The following RELN variants were observed in gnomAD, a reference collection of about 807,000 sequenced individuals.
RELN encodes the protein reelin.
RELN carries 108 observed loss-of-function variants against 427.6 expected under a neutral mutation model. The observed-to-expected ratio is 0.25, with a 90% CI of 0.22 to 0.30. The LOEUF (loss-of-function observed/expected upper bound fraction) is 0.30, where lower values mean the gene tolerates loss of function less well. Ranked by LOEUF, RELN falls within the 10% of genes least tolerant of loss-of-function variation. The pLI is 1.00. For missense variants in RELN, 3,715 were observed against 4,302.8 expected (o/e 0.86, Z 3.82); for synonymous variants, 1,524 against 1,513.4 (o/e 1.01, Z -0.16).
chr7:103,896,955 TG>T (rs1466266309), intron 2 of RELN, among the ~76,000 whole-genome samples: 6 of 152,064 alleles, frequency 3.9e-5, no homozygotes, highest in Admixed American at 3.9e-4. Flanking sequence ...TCCACGTGGC[TG>T]GGGAGGCCTC....
At chr7:103,915,747 T>C (rs1584363440) in intron 2 of RELN, among the ~76,000 whole-genome samples, 1 of 152,222 alleles carries the variant, frequency 6.6e-6, no homozygotes, top group South Asian at 2.1e-4. Flanking sequence ...AAAAAAATTT[T>C]GTTTACCTAA....
intron 12 of RELN, among the ~76,000 whole-genome samples, chr7:103,655,103 C>T (rs922340044): frequency 3.9e-5 from 6 of 152,000 alleles, no homozygotes; most frequent in South Asian, 2.1e-4. Flanking sequence ...TGAGCCACCA[C>T]GCCTAGTCCC....
At chr7:103,655,039 T>C (rs1395351104) in intron 12 of RELN, among the ~76,000 whole-genome samples, 1 of 152,068 alleles carries the variant, frequency 6.6e-6, no homozygotes, top group Admixed American at 6.6e-5. Context: ...CTTGAACTCC[T>C]GGGCTCAAGC....
At chr7:103,581,204 G>C (rs886158308) in intron 28 of RELN, among the ~76,000 whole-genome samples, 25 of 152,142 alleles carry the variant, frequency 1.6e-4, no homozygotes, top group Admixed American at 1.6e-3. Context: ...TCTTGTCCTG[G>C]ACATCGTTCT....
intron 2 of RELN, among the ~76,000 whole-genome samples, chr7:103,855,409 G>A (rs1793921224): frequency 6.6e-6 from 1 of 152,214 alleles, no homozygotes; most frequent in Non-Finnish European, 1.5e-5. Flanking sequence ...GTGTATGTGT[G>A]TAAGAAAGTA....
At chr7:103,492,288 G>C (rs1828700305) in intron 57 of RELN, among the ~76,000 whole-genome samples, 1 of 152,202 alleles carries the variant, frequency 6.6e-6, no homozygotes, top group Admixed American at 6.5e-5. Context: ...TCACAAATCT[G>C]GGTAAGATAA....
intron 46 of RELN, among the ~76,000 whole-genome samples, chr7:103,533,107 C>A (rs1266401066): frequency 1.3e-5 from 2 of 152,204 alleles, no homozygotes; most frequent in African/African-American, 4.8e-5. Context: ...GACCAGCCAA[C>A]CTCAGCTGAC....
At chr7:103,748,682 G>T (rs566084791) in intron 6 of RELN, among the ~76,000 whole-genome samples, 7 of 152,152 alleles carry the variant, frequency 4.6e-5, no homozygotes, top group African/African-American at 1.7e-4. Context: ...AGGATGAAAT[G>T]ATTATTTTCT....
rs190895498 is a variant in RELN at position 103,973,615 on chromosome 7, C to T, written c.226+15516G>A. Among the ~76,000 whole-genome samples, 23 of 151,954 alleles carry T rather than the reference C, an allele frequency of 1.5e-4. No individual in the cohort carries two copies. In the East Asian group the frequency reaches 4.5e-3, roughly 29 times the overall value. ...AATATTGATCATAACGTTTATAACA[C>T]TGAAAACAAAAGAAAAACACCTGAA... On this transcript the variant is annotated intron_variant, in intron 1 of 64. Coordinates refer to ENST00000428762, the MANE Select transcript of RELN (RefSeq NM_005045.4).
At chr7:103,912,478 C>T (rs533912279) in intron 2 of RELN, among the ~76,000 whole-genome samples, 1 of 152,202 alleles carries the variant, frequency 6.6e-6, no homozygotes, top group African/African-American at 2.4e-5. Context: ...CCCACTGTGC[C>T]CAGCCTTTTA....
chr7:103,939,095 C>A (rs901311465), intron 1 of RELN, among the ~76,000 whole-genome samples: 2 of 151,968 alleles, frequency 1.3e-5, no homozygotes, highest in East Asian at 3.9e-4. Context: ...TACAGGCACC[C>A]GCCACCACGC....
rs747453309 is a variant in RELN, at chr7:103,498,204, A to G, written c.8716T>C (p.Trp2906Arg). Residue 2906 changes from tryptophan to arginine, a missense_variant, in exon 54 of 65, where the codon TGG becomes CGG. Transcript: ENST00000428762. ...GTACTTCCACCTTCTAAGGACATCC[A>G]TAAGTCAGGTTTGATTTCTTCACTG... ...FDSEEIKPDL[W>R]MSLEGGSTCT... 5.6e-6 allele frequency: 9 copies of G among 1,613,986 alleles called. No individual in the cohort carries two copies.
At chr7:103,619,270 A>G (rs2117308784) in intron 20 of RELN, among the ~76,000 whole-genome samples, 1 of 152,310 alleles carries the variant, frequency 6.6e-6, no homozygotes, top group South Asian at 2.1e-4. Flanking sequence ...GGTTGTCTGT[A>G]CACAATGGCC....
rs896688565 is a variant in RELN at position 103,971,104 on chromosome 7, A to G, written c.226+18027T>C. Among the ~76,000 whole-genome samples the G allele has an allele frequency of 4.0e-5, 6 of 150,604 alleles. No homozygotes were observed. In the East Asian group the frequency reaches 9.8e-4, roughly 25 times the overall value. ...GAGGCGGAGGATGCAGTGAGCAGAG[A>G]CCGTGCCACTGCACTCGAGCCTGGG... On this transcript the variant is annotated intron_variant, in intron 1 of 64. Transcript: ENST00000428762.
chr7:103,495,115 A>G (rs1345855423), intron 57 of RELN, among the ~76,000 whole-genome samples: 2 of 151,844 alleles, frequency 1.3e-5, no homozygotes, highest in Non-Finnish European at 2.9e-5. Flanking sequence ...GAATATATTC[A>G]GTTGGTGTAA....
chr7:103,975,553 A>AT (rs1323728655), intron 1 of RELN, among the ~76,000 whole-genome samples: 4 of 150,250 alleles, frequency 2.7e-5, no homozygotes, highest in Admixed American at 1.3e-4. Flanking sequence ...TTATTTATTT[A>AT]TTTATTTATT....
At position 103,604,351 on chromosome 7, in the gene RELN, T is replaced by C. The variant is rs1228148881; in HGVS notation, c.3141A>G (p.Ile1047Met). The C allele has an allele frequency of 4.3e-6, 7 of 1,613,822 alleles. No homozygotes were observed. Among genetic ancestry groups the C allele is most frequent in the Non-Finnish European group, 5.1e-6 (6 of 1,179,784 alleles). ...CSGHGSCDHG[I>M]CRCDQGYQGT... Reference sequence around the variant, plus strand: ...GTGCTTTCTGGTGCACATACCTGCATATGCCATGATCGCATGAGCCATGCC... The same window carrying C: ...GTGCTTTCTGGTGCACATACCTGCACATGCCATGATCGCATGAGCCATGCC... The change falls in exon 23 of 65, where the codon ATA (isoleucine) becomes ATG (methionine). Residue 1047 changes from isoleucine to methionine, a missense_variant. Around this residue, in one of 4 missense-constraint regions of RELN, gnomAD observed 2,208 missense variants for 2,361.7 expected, o/e 0.93. Coordinates refer to ENST00000428762, the MANE Select transcript of RELN (RefSeq NM_005045.4).
intron 11 of RELN, among the ~76,000 whole-genome samples, chr7:103,668,159 G>T (rs981549863): frequency 6.6e-6 from 1 of 152,118 alleles, no homozygotes; most frequent in South Asian, 2.1e-4. Context: ...GAACCTGAGA[G>T]GGGGAGGTTG....
At chr7:103,929,694 G>A (rs935594101) in intron 1 of RELN, among the ~76,000 whole-genome samples, 1 of 152,112 alleles carries the variant, frequency 6.6e-6, no homozygotes, top group Non-Finnish European at 1.5e-5. Flanking sequence ...TCAGCACTTT[G>A]GTACTACACC....
Sources: gnomAD v4.1 joint callset for allele counts (sites outside exome capture counted in the v4.1 genomes callset) on GRCh38, gnomAD v4.1.1 for gene constraint, gnomAD v4.1.1 regional missense constraint, MANE v1.5 for transcripts, NCBI Gene and HGNC (gene_info 2026-07-23, HGNC 2026-07-21) for gene names.